DOCK8: variants seen among roughly 807,000 people sequenced by gnomAD.
DOCK8 encodes the protein dedicator of cytokinesis protein 8.
Under a neutral mutation model 245.6 loss-of-function variants are expected in DOCK8, and 141 were observed. The ratio of observed to expected loss-of-function variants is 0.57; its 90% confidence interval spans 0.50 to 0.66. The LOEUF (loss-of-function observed/expected upper bound fraction) is 0.66. DOCK8 is among the 30% of genes least tolerant of loss of function. The probability of loss-of-function intolerance (pLI) is 0.00; values close to 1 mark genes in which losing one functional copy is unlikely to be tolerated. For synonymous variants in DOCK8, 1,168 were observed against 970.2 expected, an observed-to-expected ratio of 1.20 and a Z score of -3.79; for missense variants, 2,965 against 2,603.4, an observed-to-expected ratio of 1.14 and a Z score of -3.02.
chr9:277,358 G>C (rs2048386738), intron 2 of DOCK8, among the ~76,000 whole-genome samples: 1 of 151,848 alleles, frequency 6.6e-6, no homozygotes, highest in African/African-American at 2.4e-5. Flanking sequence ...TCAGGAGTTG[G>C]AGGCTGCAGT....
At chr9:308,740 C>A (rs1001945267) in intron 5 of DOCK8, among the ~76,000 whole-genome samples, 7 of 152,148 alleles carry the variant, frequency 4.6e-5, no homozygotes, top group African/African-American at 1.7e-4. Flanking sequence ...TCACTGCAAC[C>A]CCTGCCTCCC....
chr9:448,417 T>G (rs534003391), intron 44 of DOCK8, among the ~76,000 whole-genome samples: 1 of 152,242 alleles, frequency 6.6e-6, no homozygotes, highest in Admixed American at 6.5e-5. Context: ...TGAAGTTTTC[T>G]TGGCCTTCCT....
chr9:384,480 A>C (rs1034389076), intron 22 of DOCK8, among the ~76,000 whole-genome samples: 1 of 152,216 alleles, frequency 6.6e-6, no homozygotes, highest in African/African-American at 2.4e-5. Context: ...TCTGCAGGCC[A>C]GGGTTTGGGG....
chr9:362,790 C>T (rs1451696370), intron 14 of DOCK8, among the ~76,000 whole-genome samples: 2 of 152,174 alleles, frequency 1.3e-5, no homozygotes, highest in Non-Finnish European at 2.9e-5. Flanking sequence ...TAACAGGGTC[C>T]GGTTTTTCTG....
At chr9:261,733 C>G (rs1462564761) in intron 1 of DOCK8, among the ~76,000 whole-genome samples, 1 of 152,046 alleles carries the variant, frequency 6.6e-6, no homozygotes, top group Non-Finnish European at 1.5e-5. Flanking sequence ...TATTTTTCCT[C>G]TACTTTTGCA....
intron 4 of DOCK8, among the ~76,000 whole-genome samples, chr9:297,258 CAG>C (rs1004112933): frequency 1.3e-5 from 2 of 152,160 alleles, no homozygotes; most frequent in Non-Finnish European, 2.9e-5. Context: ...AGCTGTGACT[CAG>C]AGAGACTAAG....
chr9:263,432 T>C (rs577327169), intron 1 of DOCK8, among the ~76,000 whole-genome samples: 13 of 152,224 alleles, frequency 8.5e-5, no homozygotes, highest in Non-Finnish European at 1.6e-4. Flanking sequence ...ACCTTTTGTG[T>C]ATCATTGATG....
In DOCK8 at chr9:452,002, T is replaced by TC. The variant is rs71491957; in HGVS notation, c.5962-6dup. On this transcript the variant is annotated splice_polypyrimidine_tract_variant and intron_variant, in intron 45 of 47. Transcript: ENST00000432829. ...ATTTTTTTTTTTTTTTTTTTTTTTT[T>TC]CCCACCAGGGACCACTGGAAGTAGC... 5 of 983,080 alleles carry TC rather than the reference T, an allele frequency of 5.1e-6. No individual in the cohort carries two copies. The highest frequency in any genetic ancestry group is 1.9e-5 in the African/African-American group (1 of 52,096). The allele number at this position is 983,080 out of a possible 1,614,324, so 60.9% of individuals were successfully genotyped here. A position where few individuals can be genotyped will look rare whatever the true frequency, so the allele number is the denominator to read the frequency against.
intron 1 of DOCK8, among the ~76,000 whole-genome samples, chr9:219,934 C>T (rs756654254): frequency 1.3e-5 from 2 of 152,224 alleles, no homozygotes; most frequent in South Asian, 2.1e-4. Context: ...TTGGGCATAA[C>T]GACCAGAGCA....
chr9:217,801 C>T (rs1383447680), intron 1 of DOCK8, among the ~76,000 whole-genome samples: 1 of 152,036 alleles, frequency 6.6e-6, no homozygotes, highest in East Asian at 1.9e-4. Flanking sequence ...AAGTCTTGTA[C>T]AGAAGAGGAA....
intron 1 of DOCK8, among the ~76,000 whole-genome samples, chr9:264,065 G>C (rs1303966643): frequency 7.2e-5 from 11 of 152,150 alleles, no homozygotes; most frequent in Non-Finnish European, 1.0e-4. Context: ...GCTTACACAG[G>C]TTACATCTGT....
rs1362630372 is a variant in DOCK8, at chr9:403,892, C to CTCTCTA, written c.3235-1025_3235-1024insCTCTAT. ...TCTCTCTCTCTCTCTCTCTCTCTCT[C>CTCTCTA]TATATATATATATATATATATATAC... On this transcript the variant is annotated intron_variant, in intron 26 of 47. Coordinates refer to ENST00000432829, the MANE Select transcript of DOCK8 (RefSeq NM_203447.4). Among the ~76,000 whole-genome samples the CTCTCTA allele has an allele frequency of 7.3e-4, 54 of 73,742 alleles. 1 individual carries two copies. Among genetic ancestry groups the CTCTCTA allele is most frequent in the South Asian group, 1.3e-3 (3 of 2,242 alleles). 48.4% of individuals were successfully genotyped at this position (73,742 alleles called of 152,430 possible). A position where few individuals can be genotyped will look rare whatever the true frequency, so the allele number is the denominator to read the frequency against.
At chr9:280,316 C>T (rs1486694865) in intron 2 of DOCK8, among the ~76,000 whole-genome samples, 3 of 152,210 alleles carry the variant, frequency 2.0e-5, no homozygotes, top group East Asian at 1.9e-4. Context: ...AGGGAAGTGA[C>T]GGTTTCTTTA....
At position 304,643 on chromosome 9, in the gene DOCK8, A is replaced by G. The variant is rs1372806445; in HGVS notation, c.467A>G (p.Lys156Arg). 2.5e-6 allele frequency: 4 copies of G among 1,614,216 alleles called. No homozygotes were observed. The highest frequency in any genetic ancestry group is 1.7e-6 in the Non-Finnish European group (2 of 1,180,034). The change falls in exon 5 of 48, where the codon AAG (lysine) becomes AGG (arginine). Residue 156 changes from lysine to arginine, a missense_variant. Transcript: ENST00000432829. ...KKTGSRKDFH[K>R]TLPKQTFESE... ...ACTGGATCTCGAAAAGATTTTCACAAGACGCTTCCGAAACAGACGTTTGAG... is the reference window on the plus strand; with the variant it reads ...ACTGGATCTCGAAAAGATTTTCACAGGACGCTTCCGAAACAGACGTTTGAG...
At chr9:434,469 G>A (rs2056825394) in intron 38 of DOCK8, among the ~76,000 whole-genome samples, 1 of 152,050 alleles carries the variant, frequency 6.6e-6, no homozygotes, top group South Asian at 2.1e-4. Flanking sequence ...TTTATTTTGA[G>A]AGAAAGGAAA....
In DOCK8 at chr9:418,089, G is replaced by A. The variant is rs753480350; in HGVS notation, c.3722G>A (p.Arg1241His). 22 of 1,614,064 alleles carry A rather than the reference G, an allele frequency of 1.4e-5. No homozygotes were observed. The highest frequency in any genetic ancestry group is 1.6e-4 in the Middle Eastern group (1 of 6,084). ...GCAGTTGCAGATACTCGCAGATACC[G>A]CACCAGTGGCTCGGATGAAGAACAA... ...DFTVADTRRY[R>H]TSGSDEEQEG... The change falls in exon 30 of 48, where the codon CGC becomes CAC. Residue 1241 changes from arginine to histidine, a missense_variant. By Grantham distance (29) the Arg-to-His change is conservative (BLOSUM62 0). Around this residue, in one of 3 missense-constraint regions of DOCK8, gnomAD observed 2,825 missense variants for 2,453.5 expected, o/e 1.15. Transcript: ENST00000432829.
chr9:259,660 T>A (rs546932396), intron 1 of DOCK8, among the ~76,000 whole-genome samples: 1 of 152,350 alleles, frequency 6.6e-6, no homozygotes, highest in South Asian at 2.1e-4. Flanking sequence ...AATAGTGGCA[T>A]CATTTTCTGT....
rs193039274 is a variant in DOCK8, at chr9:413,627, A to T, written c.3531-1155A>T. On this transcript the variant is annotated intron_variant, in intron 28 of 47. Transcript: ENST00000432829. ...CAGAATAGACATTTCTCCAAAGAAG[A>T]TACAGCCATAAGACCATGAAGATGT... 3.2e-3 allele frequency among the ~76,000 whole-genome samples: 492 copies of T among 152,370 alleles called. 3 individuals carry two copies. The highest frequency in any genetic ancestry group is 6.8e-3 in the Middle Eastern group (2 of 294).
Position 282,346 on chromosome 9 carries a change from C to T in DOCK8, c.157-4115C>T, listed in dbSNP as rs146197208. Among the ~76,000 whole-genome samples the T allele has an allele frequency of 1.4e-3, 212 of 152,030 alleles. 1 individual carries two copies. Among genetic ancestry groups the T allele is most frequent in the Admixed American group, 4.1e-3 (63 of 15,276 alleles). On this transcript the variant is annotated intron_variant, in intron 2 of 47. Coordinates refer to ENST00000432829, the MANE Select transcript of DOCK8 (RefSeq NM_203447.4). ...TGTAGATAACAGGGGCCGTTATCAG[C>T]CAGGTTTTTCATCATTTGTGGCTTT... is the stretch of plus-strand genomic sequence containing the variant.
Sources: allele counts gnomAD v4.1 joint callset (sites outside exome capture counted in the v4.1 genomes callset), GRCh38; gene constraint gnomAD v4.1.1; regional missense constraint gnomAD v4.1.1; transcripts MANE v1.5; gene names NCBI Gene and HGNC (gene_info 2026-07-23, HGNC 2026-07-21).